EHD2: variants seen among roughly 807,000 people sequenced by gnomAD.
EHD2 encodes EH domain containing 2.
In EHD2, 27 loss-of-function variants were observed where a neutral mutation model predicts 41.0. That is an observed-to-expected ratio of 0.66 (90% CI 0.49 to 0.91). The LOEUF is 0.91. Among genes scored for constraint, EHD2 ranks in the 40% least tolerant of loss-of-function variants. EHD2 has a pLI of 0.00. For missense variants in EHD2, 673 were observed against 773.9 expected (o/e 0.87, Z 1.55); for synonymous variants, 342 against 341.0 (o/e 1.00, Z -0.03).
intron 2 of EHD2, among the ~76,000 whole-genome samples, chr19:47,718,293 A>AG (rs1973652377): frequency 6.7e-6 from 1 of 149,938 alleles, no homozygotes; most frequent in Non-Finnish European, 1.5e-5. Flanking sequence ...AAAAAAAAAA[A>AG]GAACAGTACC....
At chr19:47,718,166 G>A (rs940201340) in intron 2 of EHD2, among the ~76,000 whole-genome samples, 4 of 151,446 alleles carry the variant, frequency 2.6e-5, no homozygotes, top group Non-Finnish European at 5.9e-5. Context: ...CCAGCTACTC[G>A]GGAGGCTTAG....
At position 47,740,995 on chromosome 19, in the gene EHD2, C is replaced by G. The variant is rs1966981175; in HGVS notation, c.1195C>G (p.Gln399Glu). 1 of 1,611,478 alleles carries G rather than the reference C, an allele frequency of 6.2e-7. No individual in the cohort carries two copies. The change falls in exon 6 of 6, where the codon CAG (glutamine) becomes GAG (glutamate). Residue 399 changes from glutamine to glutamate, a missense_variant. Transcript: ENST00000263277. ...CGCCAAGCTCATGCCCCTGCTGCGG[C>G]AGGAGGAGCTGGAGAGCACCGAGGT... Reference protein sequence around the residue: ...DIAKLMPLLRQEELESTEVGV... With the variant: ...DIAKLMPLLREEELESTEVGV...
At position 47,726,061 on chromosome 19, in the gene EHD2, G is replaced by C; in HGVS notation, c.752G>C (p.Arg251Pro). 1 of 1,584,718 alleles carries C rather than the reference G, an allele frequency of 6.3e-7. No homozygotes were observed. The highest frequency in any genetic ancestry group is 1.1e-5 in the South Asian group (1 of 88,132). ...GKVVGTPEVL[R>P]VYIGSFWSQP... ...GTGGTGGGCACGCCCGAGGTGCTGC[G>C]CGTCTACATCGGCTCCTTCTGGTCC... The change falls in exon 4 of 6, where the codon CGC (arginine) becomes CCC (proline). Residue 251 changes from arginine (R) to proline (P), a missense_variant. Arg to Pro is a moderately radical substitution (Grantham distance 103, BLOSUM62 -2). Transcript: ENST00000263277.
intron 3 of EHD2, among the ~76,000 whole-genome samples, chr19:47,725,563 G>C (rs910071251): frequency 6.6e-6 from 1 of 152,146 alleles, no homozygotes; most frequent in Non-Finnish European, 1.5e-5. Flanking sequence ...GGGGATGATT[G>C]CCCCCTGTAG....
Position 47,740,927 on chromosome 19 carries a change from C to T in EHD2, c.1127C>T (p.Pro376Leu), listed in dbSNP as rs200177048. Residue 376 changes from proline (P) to leucine (L), a missense_variant, in exon 6 of 6, where the codon CCG (proline) becomes CTG (leucine). By Grantham distance (98) the Pro-to-Leu change is moderately conservative. Transcript: ENST00000263277. ...TTCACCAAGTTTCACTCGCTGAAGC[C>T]GAAGCTGCTAGAGGCACTGGACGAG... The part of the protein sequence containing the change: ...HDFTKFHSLK[P>L]KLLEALDEML... 77 of 1,613,322 alleles carry T rather than the reference C, an allele frequency of 4.8e-5. No individual in the cohort carries two copies. The East Asian group carries it at 8.0e-4, about 17-fold the overall frequency.
intron 5 of EHD2, among the ~76,000 whole-genome samples, chr19:47,737,170 G>A (rs990594030): frequency 6.8e-6 from 1 of 147,674 alleles, no homozygotes; most frequent in Admixed American, 6.8e-5. Flanking sequence ...GGCGGAGCTT[G>A]CACTGAGCCA....
At chr19:47,737,082 T>A (rs1211915127) in intron 5 of EHD2, among the ~76,000 whole-genome samples, 1 of 151,666 alleles carries the variant, frequency 6.6e-6, no homozygotes, top group African/African-American at 2.4e-5. Context: ...ATACAAAAAA[T>A]TAGCTGGGTG....
rs565364017 is a variant in EHD2 at position 47,741,142 on chromosome 19, A to G, written c.1342A>G (p.Lys448Glu). 7 of 1,612,538 alleles carry G rather than the reference A, an allele frequency of 4.3e-6. No homozygotes were observed. The East Asian group carries it at 8.9e-5, about 21-fold the overall frequency. ...CGACGAGGCCGAGTGGGTGGTGACC[A>G]AGGACAAGTCCAAATACGACGAGAT... is the stretch of plus-strand genomic sequence containing the variant. ...SDDEAEWVVT[K>E]DKSKYDEIFY... Residue 448 changes from lysine (K) to glutamate (E), a missense_variant, in exon 6 of 6, where the codon AAG becomes GAG. Coordinates refer to ENST00000263277, the MANE Select transcript of EHD2 (RefSeq NM_014601.4). This position sits in a 1 kb window ranked among gnomAD's most constrained non-coding sequence, Gnocchi z 4.5.
chr19:47,737,656 C>CAATA (rs1022931607), intron 5 of EHD2, among the ~76,000 whole-genome samples: 1 of 151,386 alleles, frequency 6.6e-6, no homozygotes, highest in South Asian at 2.1e-4. Flanking sequence ...GATTCTGTCT[C>CAATA]AATAAATAAA....
In EHD2 at chr19:47,726,169, G is replaced by C; in HGVS notation, c.860G>C (p.Arg287Pro). 1 of 1,573,916 alleles carries C rather than the reference G, an allele frequency of 6.4e-7. No homozygotes were observed. The highest frequency in any genetic ancestry group is 8.6e-7 in the Non-Finnish European group (1 of 1,161,164). The change falls in exon 4 of 6, where the codon CGG (arginine) becomes CCG (proline). Residue 287 changes from arginine (R) to proline (P), a missense_variant. Physicochemically the swap from Arg to Pro is moderately radical, Grantham distance 103 (BLOSUM62 -2). Transcript: ENST00000263277. The stretch of plus-strand genomic sequence containing the variant: ...TTCCGCGACATCCAGGGCCTGCCCC[G>C]GCACGCAGCCTTGCGCAAGCTCAAC... Reference protein sequence around the residue: ...DLFRDIQGLPRHAALRKLNDL... With the variant: ...DLFRDIQGLPPHAALRKLNDL...
intron 3 of EHD2, among the ~76,000 whole-genome samples, chr19:47,720,786 TG>T (rs1338556765): frequency 1.3e-5 from 2 of 152,122 alleles, no homozygotes; most frequent in Non-Finnish European, 2.9e-5. Flanking sequence ...GGACTGTGTG[TG>T]ACTACCTGTG....
At position 47,741,901 on chromosome 19, in the gene EHD2, A is replaced by C. The variant is rs1297784049; in HGVS notation, c.*469A>C. 2.2e-6 allele frequency: 1 copy of C among 458,250 alleles called. No individual in the cohort carries two copies. The allele number at this position is 458,250 out of a possible 1,614,324, so 28.4% of individuals were successfully genotyped here. The stretch of plus-strand genomic sequence containing the variant: ...GGGCCCCCAGCCCCTCCCCTGGCTG[A>C]GCAGCCCTGTGGCTGAAATGACTAG... On this transcript the variant is annotated 3_prime_UTR_variant, in exon 6 of 6. Coordinates refer to ENST00000263277, the MANE Select transcript of EHD2 (RefSeq NM_014601.4). This position sits in a 1 kb window ranked among gnomAD's most constrained non-coding sequence, Gnocchi z 4.5.
intron 3 of EHD2, among the ~76,000 whole-genome samples, chr19:47,725,127 T>C (rs1973736681): frequency 6.6e-6 from 1 of 151,368 alleles, no homozygotes; most frequent in South Asian, 2.1e-4. Flanking sequence ...TAGAGGCATG[T>C]GGCAGGCTTG....
At chr19:47,732,664 T>TC (rs1003169639) in intron 4 of EHD2, among the ~76,000 whole-genome samples, 1 of 150,790 alleles carries the variant, frequency 6.6e-6, no homozygotes, top group Admixed American at 6.6e-5. Context: ...CAAGTGATCC[T>TC]CCCCCCTTGG....
At position 47,719,995 on chromosome 19, in the gene EHD2, G is replaced by A. The variant is rs540906303; in HGVS notation, c.502+1389G>A. 1.4e-5 allele frequency among the ~76,000 whole-genome samples: 2 copies of A among 144,512 alleles called. No individual in the cohort carries two copies. The highest frequency in any genetic ancestry group is 4.2e-4 in the South Asian group (2 of 4,730). The allele number at this position is 144,512 out of a possible 152,430, so 94.8% of individuals were successfully genotyped here. A position where few individuals can be genotyped will look rare whatever the true frequency, so the allele number is the denominator to read the frequency against. ...GACTTTGTGTATATCTTGGGAAAGT[G>A]TGTCATTATGAGTGTACTCCTGGGT... On this transcript the variant is annotated intron_variant, in intron 3 of 5. Transcript: ENST00000263277. This position sits in a 1 kb window ranked among gnomAD's most constrained non-coding sequence, Gnocchi z 4.1.
At chr19:47,736,563 G>C (rs1470010245) in intron 5 of EHD2, 30 bp downstream of exon 5, 1 of 1,551,520 alleles carries the variant, frequency 6.4e-7, no homozygotes, top group Non-Finnish European at 8.7e-7. Context: ...GGAATGTTGG[G>C]GGTGGGTGAT....
rs1009093778 is a variant in EHD2, at chr19:47,741,590, C to T, written c.*158C>T. The T allele has an allele frequency of 2.3e-6, 2 of 851,142 alleles. No individual in the cohort carries two copies. Among genetic ancestry groups the T allele is most frequent in the Non-Finnish European group, 3.6e-6 (2 of 562,488 alleles). The allele number at this position is 851,142 out of a possible 1,614,324, so 52.7% of individuals were successfully genotyped here. ...CTACCGCCAGACACCCCGGTGGAAG[C>T]ATTTAGAGGGGACCACGGGAGGGAC... On this transcript the variant is annotated 3_prime_UTR_variant, in exon 6 of 6. Coordinates refer to ENST00000263277, the MANE Select transcript of EHD2 (RefSeq NM_014601.4). The surrounding 1 kb of genome is among the most constrained non-coding windows in gnomAD (Gnocchi z 4.5).
intron 4 of EHD2, among the ~76,000 whole-genome samples, chr19:47,735,849 C>T (rs148044547): frequency 0.021 from 3,126 of 147,952 alleles, 126 homozygotes; most frequent in African/African-American, 0.074. Flanking sequence ...GAGGTTGCAG[C>T]GAGCTGATTG....
rs753690424 is a variant in EHD2 at position 47,741,420 on chromosome 19, C to T, written c.1620C>T (p.Gly540=). Residue 540 remains glycine (G), a synonymous_variant, in exon 6 of 6, where the codon GGC becomes GGT. Coordinates refer to ENST00000263277, the MANE Select transcript of EHD2 (RefSeq NM_014601.4). This position sits in a 1 kb window ranked among gnomAD's most constrained non-coding sequence, Gnocchi z 4.5. ...CACCCTCCAAGCGACGCCACAAGGG[C>T]TCCGCCGAGTGAGCCGGCCCCCCTC... is the stretch of plus-strand genomic sequence containing the variant. ...LVPPSKRRHK[G]SAE 1.9e-6 allele frequency: 3 copies of T among 1,555,226 alleles called. No individual in the cohort carries two copies. Among genetic ancestry groups the T allele is most frequent in the Non-Finnish European group, 2.6e-6 (3 of 1,163,292 alleles).
Sources: gnomAD v4.1 joint callset for allele counts (sites outside exome capture counted in the v4.1 genomes callset) on GRCh38, gnomAD v4.1.1 for gene constraint, Gnocchi (gnomAD v3.1) non-coding constraint, MANE v1.5 for transcripts, NCBI Gene and HGNC (gene_info 2026-07-23, HGNC 2026-07-21) for gene names.